RBFOX1: variants seen among roughly 807,000 people sequenced by gnomAD.
RBFOX1 encodes the protein RNA binding fox-1 homolog 1, also known as RNA binding protein fox-1 homolog 1.
In RBFOX1, 8 loss-of-function variants were observed where a neutral mutation model predicts 57.7. That is an observed-to-expected ratio of 0.14 (90% confidence interval 0.08 to 0.25). The LOEUF is 0.25. Among genes scored for constraint, RBFOX1 ranks in the 10% least tolerant of loss-of-function variants. RBFOX1 has a pLI of 1.00. For synonymous variants in RBFOX1, 326 were observed against 222.4 expected (o/e 1.47, Z -4.15); for missense variants, 611 against 548.5 (o/e 1.11, Z -1.14).
In RBFOX1 at chr16:5,702,619, T is replaced by C. The variant is rs577713449; in HGVS notation, c.318+103658T>C. On this transcript the variant is annotated intron_variant, in intron 3 of 19. Coordinates refer to the RBFOX1 transcript ENST00000641259. ...CTTCCCTGGTTGTTTTTGGACTTTGTTGAGGTCTGTTTTAACAATAAGCTT... is the reference window on the plus strand; with the variant it reads ...CTTCCCTGGTTGTTTTTGGACTTTGCTGAGGTCTGTTTTAACAATAAGCTT... 1.6e-4 allele frequency among the ~76,000 whole-genome samples: 25 copies of C among 152,338 alleles called. No individual in the cohort carries two copies. In the South Asian group the frequency reaches 4.8e-3, roughly 29 times the overall value.
chr16:5,657,221 CT>C (rs1239253960), intron 3 of RBFOX1, among the ~76,000 whole-genome samples: 1 of 152,198 alleles, frequency 6.6e-6, no homozygotes, highest in Non-Finnish European at 1.5e-5. Flanking sequence ...GTTTCACTGA[CT>C]TCAAAGCAAG....
intron 3 of RBFOX1, among the ~76,000 whole-genome samples, chr16:5,708,367 A>G (rs1364361603): frequency 6.6e-6 from 1 of 152,202 alleles, no homozygotes; most frequent in Admixed American, 6.5e-5. Flanking sequence ...GAGCTTCCAT[A>G]TACATAGATT....
chr16:6,183,071 G>T (rs969934087), intron 1 of RBFOX1, among the ~76,000 whole-genome samples: 1 of 152,092 alleles, frequency 6.6e-6, no homozygotes, highest in Non-Finnish European at 1.5e-5. Flanking sequence ...TAAATATATA[G>T]CATGAAGAAA....
intron 3 of RBFOX1, among the ~76,000 whole-genome samples, chr16:6,762,041 T>C (rs1431485604): frequency 1.3e-5 from 2 of 152,222 alleles, no homozygotes; most frequent in Middle Eastern, 3.4e-3. Context: ...ATAGTGTAGA[T>C]GTTAAAAGGA....
intron 4 of RBFOX1, among the ~76,000 whole-genome samples, chr16:7,370,508 C>A (rs1360337260): frequency 6.6e-6 from 1 of 152,128 alleles, no homozygotes; most frequent in African/African-American, 2.4e-5. Flanking sequence ...CCCTCACTTT[C>A]CCTTCTTCCC....
chr16:7,568,193 T>A lies in RBFOX1; in HGVS notation c.271-11584T>A, dbSNP rs372838660. ...TTAGAGAAGTAAAGAAACAAAAGAA[T>A]GGCTACTCCATAGGTAGAGCAGCCC... On this transcript the variant is annotated intron_variant, in intron 5 of 15. Transcript: ENST00000550418. 1.1e-4 allele frequency among the ~76,000 whole-genome samples: 16 copies of A among 152,212 alleles called. No individual in the cohort carries two copies. In the East Asian group the frequency reaches 1.6e-3, roughly 15 times the overall value.
At chr16:6,616,546 G>A (rs987560060) in intron 2 of RBFOX1, among the ~76,000 whole-genome samples, 5 of 152,114 alleles carry the variant, frequency 3.3e-5, no homozygotes, top group African/African-American at 9.7e-5. Context: ...CATGGTGGCG[G>A]GCGTCTGTAG....
chr16:7,397,781 G>C (rs2098166965), intron 4 of RBFOX1, among the ~76,000 whole-genome samples: 2 of 152,134 alleles, frequency 1.3e-5, no homozygotes, highest in South Asian at 4.1e-4. Context: ...ACGGTGGTAT[G>C]AACACAGGTG....
At chr16:5,295,156 C>T (rs1442033761) in intron 1 of RBFOX1, among the ~76,000 whole-genome samples, 2 of 151,656 alleles carry the variant, frequency 1.3e-5, no homozygotes, top group East Asian at 3.9e-4. Context: ...ACATGCTTGA[C>T]ATGCCTGTGG....
intron 4 of RBFOX1, among the ~76,000 whole-genome samples, chr16:7,220,410 A>G (rs947308724): frequency 1.3e-5 from 2 of 152,188 alleles, no homozygotes; most frequent in Non-Finnish European, 2.9e-5. Flanking sequence ...GGTGCAATGC[A>G]TTACAATGCT....
At chr16:5,645,285 A>G (rs918684232) in intron 3 of RBFOX1, among the ~76,000 whole-genome samples, 2 of 151,744 alleles carry the variant, frequency 1.3e-5, no homozygotes, top group Non-Finnish European at 2.9e-5. Flanking sequence ...CAAAAAAAAA[A>G]ACATGCTGAG....
At chr16:6,178,115 G>C (rs1365568968) in intron 1 of RBFOX1, among the ~76,000 whole-genome samples, 3 of 150,312 alleles carry the variant, frequency 2.0e-5, no homozygotes, top group Non-Finnish European at 4.4e-5. Context: ...GTGAATATTT[G>C]GTTATGGTCA....
rs139372623 is a variant in RBFOX1, at chr16:6,676,272, T to C, written c.-16+21622T>C. ...GGGGAGTTCGGAGGAAGGCCTTCCA[T>C]GATCAGAAAGGTGTGTGGAGAAAGT... On this transcript the variant is annotated intron_variant, in intron 3 of 15. Coordinates refer to ENST00000550418, the MANE Select transcript of RBFOX1 (RefSeq NM_018723.4). Among the ~76,000 whole-genome samples the C allele has an allele frequency of 3.1e-3, 471 of 152,028 alleles. 2 individuals carry two copies. Among genetic ancestry groups the C allele is most frequent in the Middle Eastern group, 6.8e-3 (2 of 294 alleles).
At chr16:6,727,244 G>A (rs2067442568) in intron 3 of RBFOX1, among the ~76,000 whole-genome samples, 1 of 151,992 alleles carries the variant, frequency 6.6e-6, no homozygotes, top group African/African-American at 2.4e-5. Context: ...CATTTCTGGT[G>A]ACTTCTAAAA....
chr16:6,914,724 A>G (rs1009592912), intron 3 of RBFOX1, among the ~76,000 whole-genome samples: 4 of 152,142 alleles, frequency 2.6e-5, no homozygotes, highest in Non-Finnish European at 5.9e-5. Context: ...TAAGCTGAAA[A>G]TTAACCTGGC....
chr16:6,616,686 C>T (rs1255952347), intron 2 of RBFOX1, among the ~76,000 whole-genome samples: 1 of 152,182 alleles, frequency 6.6e-6, no homozygotes, highest in African/African-American at 2.4e-5. Context: ...CTACCTGCCT[C>T]TGCCTCCCAA....
At chr16:6,939,662 C>T (rs1353083296) in intron 3 of RBFOX1, among the ~76,000 whole-genome samples, 1 of 151,936 alleles carries the variant, frequency 6.6e-6, no homozygotes, top group Non-Finnish European at 1.5e-5. Context: ...CAGCCGTGTG[C>T]TACCATACCC....
At chr16:6,234,229 T>C (rs1337112248) in intron 1 of RBFOX1, among the ~76,000 whole-genome samples, 1 of 152,234 alleles carries the variant, frequency 6.6e-6, no homozygotes, top group Non-Finnish European at 1.5e-5. Flanking sequence ...TTAATTTTTA[T>C]TTATTCTCAA....
At chr16:6,412,590 A>C (rs1173186124) in intron 2 of RBFOX1, among the ~76,000 whole-genome samples, 2 of 152,216 alleles carry the variant, frequency 1.3e-5, no homozygotes, top group Non-Finnish European at 2.9e-5. Context: ...CATAATAAGA[A>C]ATACATTTTA....
Sources: allele counts gnomAD v4.1 joint callset (sites outside exome capture counted in the v4.1 genomes callset), GRCh38; gene constraint gnomAD v4.1.1; transcripts MANE v1.5; gene names NCBI Gene and HGNC (gene_info 2026-07-23, HGNC 2026-07-21).